Variants in LMCD1 observed in about 807,000 individuals in gnomAD.
LMCD1 encodes the protein LIM and cysteine rich domains 1.
Under a neutral mutation model 42.7 loss-of-function variants are expected in LMCD1, and 32 were observed. The observed-to-expected ratio is 0.75, with a 90% CI of 0.57 to 1.01. The LOEUF is 1.01. Among genes scored for constraint, LMCD1 ranks in the 50% least tolerant of loss-of-function variants. The probability of loss-of-function intolerance (pLI) is 0.00; values close to 1 mark genes in which losing one functional copy is unlikely to be tolerated. For missense variants in LMCD1, 458 were observed against 483.1 expected (o/e 0.95, Z 0.49); for synonymous variants, 178 against 184.9 (o/e 0.96, Z 0.30).
In LMCD1 at chr3:8,567,776, G is replaced by C. The variant is rs1285355209; in HGVS notation, c.*178G>C. The stretch of plus-strand genomic sequence containing the variant: ...AGATATATATTCTAGGTTGGGTGGT[G>C]GTAGATCCTTGAGGGTCAGTAGTTT... On this transcript the variant is annotated 3_prime_UTR_variant, in exon 6 of 6. Transcript: ENST00000157600. 3.3e-5 allele frequency: 16 copies of C among 481,006 alleles called. No homozygotes were observed. The highest frequency in any genetic ancestry group is 5.4e-5 in the Non-Finnish European group (16 of 298,574). 29.8% of individuals were successfully genotyped at this position (481,006 alleles called of 1,614,324 possible). A position where few individuals can be genotyped will look rare whatever the true frequency, so the allele number is the denominator to read the frequency against.
At chr3:8,513,612 A>G (rs1227853712) in intron 1 of LMCD1, among the ~76,000 whole-genome samples, 2 of 152,202 alleles carry the variant, frequency 1.3e-5, no homozygotes, top group Non-Finnish European at 2.9e-5. Flanking sequence ...TTCAAAGAAA[A>G]AAGGGAGGGA....
At chr3:8,567,398 G>A (rs552316334) in intron 5 of LMCD1, 42 bp from the exon 6 acceptor site, 1 of 1,602,502 alleles carries the variant, frequency 6.2e-7, no homozygotes. Context: ...TCTACCTAGG[G>A]ACAGAAACTG....
chr3:8,547,451 T>TTTATC (rs1278418638), intron 3 of LMCD1, among the ~76,000 whole-genome samples: 1 of 152,232 alleles, frequency 6.6e-6, no homozygotes, highest in Non-Finnish European at 1.5e-5. Flanking sequence ...AACACAAAGT[T>TTTATC]GTTGGCAAGC....
chr3:8,502,082 C>CT, intron 1 of LMCD1, 102 bp downstream of exon 1: 1 of 1,006,206 alleles, frequency 9.9e-7, no homozygotes, highest in Non-Finnish European at 1.5e-6. Flanking sequence ...GAAGGGAACT[C>CT]TTTAAATTCC....
chr3:8,504,482 C>T (rs1693835099), intron 1 of LMCD1, among the ~76,000 whole-genome samples: 1 of 152,190 alleles, frequency 6.6e-6, no homozygotes, highest in South Asian at 2.1e-4. Flanking sequence ...TCCCTACCCC[C>T]GAGGGGGCTG....
intron 3 of LMCD1, among the ~76,000 whole-genome samples, chr3:8,540,467 A>C (rs1694602200): frequency 6.6e-6 from 1 of 152,224 alleles, no homozygotes. Context: ...CAGAGAGATG[A>C]TGCAACGATG....
Position 8,572,561 on chromosome 3 carries a change from C to A in LMCD1, c.*4963C>A, listed in dbSNP as rs957476683. ...GTTGGTTTTTCTAATTCAATCATTTCTTTAGTGTTTATTAGCATTCTACTA... is the reference window on the plus strand; with the variant it reads ...GTTGGTTTTTCTAATTCAATCATTTATTTAGTGTTTATTAGCATTCTACTA... On this transcript the variant is annotated 3_prime_UTR_variant, in exon 6 of 6. Transcript: ENST00000157600. 6.6e-6 allele frequency: 1 copy of A among 152,128 alleles called. No homozygotes were observed. Among genetic ancestry groups the A allele is most frequent in the Admixed American group, 6.6e-5 (1 of 15,264 alleles). The allele number at this position is 152,128 out of a possible 1,614,324, so 9.4% of individuals were successfully genotyped here. A position where few individuals can be genotyped will look rare whatever the true frequency, so the allele number is the denominator to read the frequency against.
In LMCD1 at chr3:8,568,605, AT is replaced by A. The variant is rs1695166610; in HGVS notation, c.*1010del. On this transcript the variant is annotated 3_prime_UTR_variant, in exon 6 of 6. Coordinates refer to ENST00000157600, the MANE Select transcript of LMCD1 (RefSeq NM_014583.4). ...TTTTTTCAATAAAAATTAATCTAAA[AT>A]TTAACAATGCCACTTTTATGAGAAA... is the stretch of plus-strand genomic sequence containing the variant. The A allele has an allele frequency of 6.6e-6, 1 of 152,218 alleles. No homozygotes were observed. The highest frequency in any genetic ancestry group is 1.5e-5 in the Non-Finnish European group (1 of 68,034). 9.4% of individuals were successfully genotyped at this position (152,218 alleles called of 1,614,324 possible).
chr3:8,556,845 G>A (rs1039328845), intron 4 of LMCD1, among the ~76,000 whole-genome samples: 9 of 152,288 alleles, frequency 5.9e-5, no homozygotes, highest in African/African-American at 2.2e-4. Flanking sequence ...TAACCAGGGA[G>A]GGAGATTCAG....
rs1693743891 is a variant in LMCD1 at position 8,502,295 on chromosome 3, A to ATTATATATT, written c.42+323_42+324insTTTATATAT. On this transcript the variant is annotated intron_variant, in intron 1 of 5. Transcript: ENST00000157600. ...TATATATAAAATATATATAATATAT[A>ATTATATATT]TTATATATAATATATAAAATATATA... Among the ~76,000 whole-genome samples the ATTATATATT allele has an allele frequency of 2.4e-4, 10 of 42,500 alleles. No homozygotes were observed. The East Asian group carries it at 2.6e-3, about 11-fold the overall frequency. The allele number at this position is 42,500 out of a possible 152,430, so 27.9% of individuals were successfully genotyped here.
chr3:8,548,004 C>T (rs1319722984), intron 3 of LMCD1, among the ~76,000 whole-genome samples: 2 of 152,160 alleles, frequency 1.3e-5, no homozygotes, highest in Non-Finnish European at 2.9e-5. Flanking sequence ...TGTGACTGTA[C>T]TGAATACTAT....
At chr3:8,559,285 G>A (rs17049255) in intron 4 of LMCD1, among the ~76,000 whole-genome samples, 1 of 152,100 alleles carries the variant, frequency 6.6e-6, no homozygotes, top group Non-Finnish European at 1.5e-5. Context: ...TGTCATTTTA[G>A]GAAAGTGGTT....
At chr3:8,502,376 T>G in intron 1 of LMCD1, among the ~76,000 whole-genome samples, 1 of 94,990 alleles carries the variant, frequency 1.1e-5, no homozygotes, top group Non-Finnish European at 1.9e-5. Context: ...ATAAAATATA[T>G]ATAATATATA....
intron 3 of LMCD1, among the ~76,000 whole-genome samples, chr3:8,546,490 A>T (rs1381080936): frequency 6.6e-6 from 1 of 152,144 alleles, no homozygotes; most frequent in African/African-American, 2.4e-5. Flanking sequence ...CTGTGCAAAG[A>T]GACGGCATGA....
At chr3:8,536,160 C>T (rs1193532443) in intron 2 of LMCD1, among the ~76,000 whole-genome samples, 1 of 152,172 alleles carries the variant, frequency 6.6e-6, no homozygotes, top group Non-Finnish European at 1.5e-5. Flanking sequence ...CTGCAGTGAC[C>T]TCCCTTGCTG....
chr3:8,563,752 A>G (rs868165856), intron 4 of LMCD1, among the ~76,000 whole-genome samples: 1 of 152,216 alleles, frequency 6.6e-6, no homozygotes, highest in Non-Finnish European at 1.5e-5. Context: ...GTCACTTTAC[A>G]GTGAAGAATC....
rs1187864989 is a variant in LMCD1, at chr3:8,542,002, C to CTTTTT, written c.387+4582_387+4586dup. 7.9e-3 allele frequency among the ~76,000 whole-genome samples: 605 copies of CTTTTT among 76,726 alleles called. 4 individuals carry two copies. The highest frequency in any genetic ancestry group is 0.014 in the Middle Eastern group (1 of 74). The allele number at this position is 76,726 out of a possible 152,430, so 50.3% of individuals were successfully genotyped here. On this transcript the variant is annotated intron_variant, in intron 3 of 5. Transcript: ENST00000157600. Reference sequence around the variant, plus strand: ...CCATGCAAAGACAGAGAGGCTGGAGCTTTTTTTTTTTTTTTTTTTTTTTTG... The same window carrying CTTTTT: ...CCATGCAAAGACAGAGAGGCTGGAGCTTTTTTTTTTTTTTTTTTTTTTTTTTTTTG...
chr3:8,552,730 T>C (rs969085955), intron 4 of LMCD1, among the ~76,000 whole-genome samples: 3 of 152,176 alleles, frequency 2.0e-5, no homozygotes, highest in Non-Finnish European at 4.4e-5. Context: ...GCTCTATGTA[T>C]GTATGTATTT....
intron 4 of LMCD1, among the ~76,000 whole-genome samples, chr3:8,549,549 CTTAG>C (rs756732645): frequency 7.2e-5 from 11 of 152,178 alleles, no homozygotes; most frequent in Non-Finnish European, 1.6e-4. Context: ...ATGCCATGAA[CTTAG>C]TTAGGACTTT....
Sources: allele counts gnomAD v4.1 joint callset (sites outside exome capture counted in the v4.1 genomes callset), GRCh38; gene constraint gnomAD v4.1.1; transcripts MANE v1.5; gene names NCBI Gene and HGNC (gene_info 2026-07-23, HGNC 2026-07-21).